CCDC3: variants seen among roughly 807,000 people sequenced by gnomAD.
CCDC3 encodes coiled-coil domain containing 3, also known as coiled-coil domain-containing protein 3.
CCDC3 carries 24 observed loss-of-function variants against 21.4 expected under a neutral mutation model. That is an observed-to-expected ratio of 1.12 (90% CI 0.81 to 1.58). The LOEUF is 1.58. Among genes scored for constraint, CCDC3 ranks in the 40% most tolerant of loss-of-function variants. The pLI, the probability that CCDC3 is intolerant of heterozygous loss-of-function variation, is 0.00. For synonymous variants in CCDC3, 186 were observed against 166.0 expected (o/e 1.12, Z -0.93); for missense variants, 425 against 360.9 (o/e 1.18, Z -1.44).
intron 4 of CCDC3, among the ~76,000 whole-genome samples, chr10:13,051,318 C>T (rs1836604728): frequency 6.6e-6 from 1 of 152,212 alleles, no homozygotes; most frequent in African/African-American, 2.4e-5. Context: ...ACCCTAGGCC[C>T]TGCAGGGGTG....
intron 5 of CCDC3, among the ~76,000 whole-genome samples, chr10:13,021,759 TTTTGTTTG>T (rs752979650): frequency 2.6e-5 from 4 of 152,248 alleles, no homozygotes; most frequent in East Asian, 1.9e-4. Flanking sequence ...TTTTTTGTTT[TTTTGTTTG>T]TTTGTTTGTT....
intron 5 of CCDC3, among the ~76,000 whole-genome samples, chr10:13,017,616 T>C (rs999426322): frequency 6.6e-6 from 1 of 152,004 alleles, no homozygotes; most frequent in Non-Finnish European, 1.5e-5. Flanking sequence ...CTTGTGTAGA[T>C]TTTTAGATAC....
intron 4 of CCDC3, among the ~76,000 whole-genome samples, chr10:13,052,424 G>C (rs1039561576): frequency 2.6e-5 from 4 of 152,092 alleles, no homozygotes; most frequent in African/African-American, 9.7e-5. Context: ...GATTTGATCA[G>C]GTACGTTGTT....
intron 2 of CCDC3, among the ~76,000 whole-genome samples, chr10:12,947,073 T>C (rs1461089584): frequency 1.3e-5 from 2 of 152,188 alleles, no homozygotes; most frequent in East Asian, 3.8e-4. Context: ...CAGCTCTGTC[T>C]CCTTAGTTTT....
rs73583868 is a variant in CCDC3 at position 12,993,750 on chromosome 10, G to A, written c.549+4588C>T. ...ACCGAACCAGAGAGGCGGTGAACAC[G>A]TACTAACACTGCTGACATCTTGGCA... On this transcript the variant is annotated intron_variant, in intron 2 of 2. Transcript: ENST00000378825. Among the ~76,000 whole-genome samples, 1,048 of 152,252 alleles carry A rather than the reference G, an allele frequency of 6.9e-3. 11 individuals are homozygous for A. Among genetic ancestry groups the A allele is most frequent in the African/African-American group, 0.024 (1,002 of 41,544 alleles).
chr10:12,905,073 G>A (rs372904982), intron 2 of CCDC3, among the ~76,000 whole-genome samples: 46 of 151,582 alleles, frequency 3.0e-4, no homozygotes, highest in African/African-American at 9.2e-4. Flanking sequence ...TTTCTGAAAC[G>A]TAAAAATATA....
chr10:13,026,478 T>C (rs1221255462), intron 5 of CCDC3, among the ~76,000 whole-genome samples: 1 of 152,248 alleles, frequency 6.6e-6, no homozygotes, highest in African/African-American at 2.4e-5. Context: ...CTTCATTTTT[T>C]TTTCTTAAGC....
At chr10:13,095,977 C>T (rs1053152176) in intron 3 of CCDC3, among the ~76,000 whole-genome samples, 1 of 152,136 alleles carries the variant, frequency 6.6e-6, no homozygotes. Flanking sequence ...TTCTACTTTC[C>T]TTTTCTGGAC....
chr10:12,933,438 T>C (rs1834682308), intron 2 of CCDC3, among the ~76,000 whole-genome samples: 1 of 148,300 alleles, frequency 6.7e-6, no homozygotes, highest in Non-Finnish European at 1.5e-5. Context: ...GGGCATAGAG[T>C]TGTTGATAAT....
chr10:13,007,969 GGT>G (rs1325739759), intron 5 of CCDC3, among the ~76,000 whole-genome samples: 3 of 152,166 alleles, frequency 2.0e-5, no homozygotes, highest in Admixed American at 6.5e-5. Context: ...TCCTACTGCA[GGT>G]GTGAACCACA....
intron 5 of CCDC3, among the ~76,000 whole-genome samples, chr10:13,042,089 GA>G (rs1193402794): frequency 6.6e-6 from 1 of 152,222 alleles, no homozygotes; most frequent in East Asian, 1.9e-4. Context: ...TGTCGTGGAT[GA>G]AACATAGAGT....
chr10:12,907,053 C>G (rs1162117527), intron 2 of CCDC3, among the ~76,000 whole-genome samples: 1 of 152,164 alleles, frequency 6.6e-6, no homozygotes, highest in African/African-American at 2.4e-5. Context: ...TAAGGAAGAG[C>G]CCTGTCATCT....
intron 2 of CCDC3, among the ~76,000 whole-genome samples, chr10:12,981,585 A>G (rs1835497733): frequency 6.6e-6 from 1 of 152,150 alleles, no homozygotes; most frequent in African/African-American, 2.4e-5. Flanking sequence ...GAAAAGTGAT[A>G]AAAATTCAGG....
upstream of CCDC3, among the ~76,000 whole-genome samples, chr10:13,005,800 C>G (rs1835917402): frequency 6.6e-6 from 1 of 152,202 alleles, no homozygotes; most frequent in African/African-American, 2.4e-5. Flanking sequence ...TTGCTCAACA[C>G]CACTTGAAAC....
rs532402557 is a variant in CCDC3 at position 12,980,555 on chromosome 10, G to A, written c.549+17783C>T. Among the ~76,000 whole-genome samples, 4 of 152,304 alleles carry A rather than the reference G, an allele frequency of 2.6e-5. No homozygotes were observed. In the East Asian group the frequency reaches 5.8e-4, roughly 22 times the overall value. ...AGACAGGGAGGAGGGGGTGGAGGAA[G>A]AAAGGCTTAGGTAAGCAAAGATAAT... On this transcript the variant is annotated intron_variant, in intron 2 of 2. Coordinates refer to ENST00000378825, the MANE Select transcript of CCDC3 (RefSeq NM_031455.4).
In CCDC3 at chr10:12,898,221, A is replaced by C; in HGVS notation, c.*195T>G. 1 of 647,822 alleles carries C rather than the reference A, an allele frequency of 1.5e-6. No homozygotes were observed. The highest frequency in any genetic ancestry group is 2.6e-6 in the Non-Finnish European group (1 of 385,544). The allele number at this position is 647,822 out of a possible 1,614,324, so 40.1% of individuals were successfully genotyped here. On this transcript the variant is annotated 3_prime_UTR_variant, in exon 3 of 3. Coordinates refer to ENST00000378825, the MANE Select transcript of CCDC3 (RefSeq NM_031455.4). ...GTCTGGGGTCAGGCCAGGAAGGGGC[A>C]GCGCGTGGGGTCTGACATTGAGGCC...
intron 2 of CCDC3, among the ~76,000 whole-genome samples, chr10:12,951,412 T>C (rs990317881): frequency 1.3e-5 from 2 of 152,132 alleles, no homozygotes; most frequent in Admixed American, 1.3e-4. Context: ...GCTCCTAATC[T>C]ACAGGGCATG....
chr10:12,921,203 T>C (rs1380591126), intron 2 of CCDC3, among the ~76,000 whole-genome samples: 1 of 152,220 alleles, frequency 6.6e-6, no homozygotes, highest in Non-Finnish European at 1.5e-5. Context: ...TTAAAATGAA[T>C]TAAGGAGGCA....
At position 13,051,031 on chromosome 10, in the gene CCDC3, T is replaced by A. The variant is rs1384010652; in HGVS notation, c.-269-1090A>T. Among the ~76,000 whole-genome samples, 11 of 152,304 alleles carry A rather than the reference T, an allele frequency of 7.2e-5. No individual in the cohort carries two copies. In the East Asian group the frequency reaches 1.7e-3, roughly 24 times the overall value. ...GCCTCAAACTCCTGGTCTCAAGCCA[T>A]CCTTCCACCTTAGCCACTCAAAGTG... On this transcript the variant is annotated intron_variant, in intron 4 of 6. Transcript: ENST00000378839.
Sources: allele counts gnomAD v4.1 joint callset (sites outside exome capture counted in the v4.1 genomes callset), GRCh38; gene constraint gnomAD v4.1.1; transcripts MANE v1.5; gene names NCBI Gene and HGNC (gene_info 2026-07-23, HGNC 2026-07-21).